The following RPTOR variants were observed in gnomAD, a reference collection of about 807,000 sequenced individuals.
RPTOR encodes regulatory associated protein of MTOR complex 1.
A neutral mutation model predicts 169.9 loss-of-function variants in RPTOR; 21 were observed. The observed-to-expected ratio is 0.12, with a 90% CI of 0.09 to 0.18. The LOEUF (loss-of-function observed/expected upper bound fraction) is 0.18. Ranked by LOEUF, RPTOR falls within the 10% of genes least tolerant of loss-of-function variation. The pLI, the probability that RPTOR is intolerant of heterozygous loss-of-function variation, is 1.00. For missense variants in RPTOR, 1,133 were observed against 1,855.9 expected (o/e 0.61, Z 7.16); for synonymous variants, 732 against 753.2 (o/e 0.97, Z 0.46).
intron 1 of RPTOR, among the ~76,000 whole-genome samples, chr17:80,571,611 C>T (rs1238442587): frequency 1.3e-5 from 2 of 151,152 alleles, no homozygotes; most frequent in African/African-American, 4.9e-5. Context: ...GCCTCGACCT[C>T]CTGGGCTCAA....
chr17:80,722,839 C>T (rs953928409), intron 4 of RPTOR, among the ~76,000 whole-genome samples: 5 of 151,196 alleles, frequency 3.3e-5, no homozygotes, highest in Non-Finnish European at 7.3e-5. Context: ...CTCCTTGGTG[C>T]CAGCAGCCTT....
rs2065762787 is a variant in RPTOR, at chr17:80,665,429, T to G, written c.348+21619T>G. On this transcript the variant is annotated intron_variant, in intron 3 of 33. Transcript: ENST00000306801. ...TTTCCTTTCCTTTCCTTTCCTTTCC[T>G]TTCCTTTCCTTTCCTTTCCTTTCCT... Among the ~76,000 whole-genome samples, 3 of 14,534 alleles carry G rather than the reference T, an allele frequency of 2.1e-4. No individual in the cohort carries two copies. The African/African-American group carries it at 2.3e-3, about 11-fold the overall frequency. 9.5% of individuals were successfully genotyped at this position (14,534 alleles called of 152,430 possible).
chr17:80,658,429 C>G (rs1567842746), intron 3 of RPTOR, among the ~76,000 whole-genome samples: 1 of 152,242 alleles, frequency 6.6e-6, no homozygotes, highest in East Asian at 1.9e-4. Flanking sequence ...CCTTCATCTC[C>G]TTTCTGTTAA....
At chr17:80,828,344 A>G (rs2067467552) in intron 9 of RPTOR, among the ~76,000 whole-genome samples, 3 of 152,130 alleles carry the variant, frequency 2.0e-5, no homozygotes, top group Admixed American at 1.3e-4. Flanking sequence ...CATTCCTTGC[A>G]TTTTGCAGTC....
intron 3 of RPTOR, among the ~76,000 whole-genome samples, chr17:80,698,272 A>C (rs1192331571): frequency 6.6e-6 from 1 of 152,210 alleles, no homozygotes; most frequent in East Asian, 1.9e-4. Context: ...CGCACCAGGC[A>C]CTGGGCCCCA....
chr17:80,937,982 A>G (rs1449476545), intron 24 of RPTOR, among the ~76,000 whole-genome samples: 1 of 152,216 alleles, frequency 6.6e-6, no homozygotes, highest in African/African-American at 2.4e-5. Context: ...CCGTTCAGAA[A>G]GTCTCTTCCC....
At chr17:80,800,612 C>A (rs868388566) in intron 7 of RPTOR, among the ~76,000 whole-genome samples, 2 of 152,182 alleles carry the variant, frequency 1.3e-5, no homozygotes, top group Non-Finnish European at 2.9e-5. Context: ...AACCTAGCAG[C>A]CTGATGAATA....
chr17:80,587,795 G>A (rs1344519678), intron 1 of RPTOR, among the ~76,000 whole-genome samples: 1 of 150,620 alleles, frequency 6.6e-6, no homozygotes, highest in Non-Finnish European at 1.5e-5. Flanking sequence ...TTGGTGGTGA[G>A]ACCATTTGCA....
At chr17:80,833,151 G>A (rs530112387) in intron 9 of RPTOR, among the ~76,000 whole-genome samples, 39 of 152,316 alleles carry the variant, frequency 2.6e-4, no homozygotes, top group Non-Finnish European at 4.7e-4. Flanking sequence ...GAGGCTGTGC[G>A]GACTTGGACT....
chr17:80,785,321 T>C (rs2066980749), intron 6 of RPTOR, among the ~76,000 whole-genome samples: 1 of 151,746 alleles, frequency 6.6e-6, no homozygotes, highest in Admixed American at 6.5e-5. Context: ...AGATAAAATA[T>C]AGTGATGAAT....
intron 2 of RPTOR, among the ~76,000 whole-genome samples, chr17:80,640,643 C>G (rs778672850): frequency 2.2e-4 from 34 of 152,174 alleles, no homozygotes; most frequent in Non-Finnish European, 4.6e-4. Context: ...CAGGCTGTCT[C>G]TACTAACGAG....
At chr17:80,624,879 C>A (rs1404691840) in intron 1 of RPTOR, among the ~76,000 whole-genome samples, 2 of 152,156 alleles carry the variant, frequency 1.3e-5, no homozygotes, top group Admixed American at 6.5e-5. Context: ...TGAGGAGCAT[C>A]CATGGGCCGG....
At chr17:80,769,435 T>A (rs2066819872) in intron 6 of RPTOR, among the ~76,000 whole-genome samples, 1 of 152,214 alleles carries the variant, frequency 6.6e-6, no homozygotes, top group South Asian at 2.1e-4. Flanking sequence ...CGAGTGCTGC[T>A]TACTTGCAGG....
intron 3 of RPTOR, among the ~76,000 whole-genome samples, chr17:80,681,514 G>A (rs1428134640): frequency 6.6e-6 from 1 of 152,168 alleles, no homozygotes; most frequent in Admixed American, 6.5e-5. Context: ...GGGAAGGCCG[G>A]TGGTGCGGTA....
At chr17:80,780,614 T>G (rs1387717568) in intron 6 of RPTOR, among the ~76,000 whole-genome samples, 1 of 152,130 alleles carries the variant, frequency 6.6e-6, no homozygotes, top group Non-Finnish European at 1.5e-5. Flanking sequence ...CTGTGATACG[T>G]ATACTTTTCA....
intron 1 of RPTOR, among the ~76,000 whole-genome samples, chr17:80,579,243 G>T (rs777803074): frequency 6.6e-6 from 1 of 152,098 alleles, no homozygotes; most frequent in Non-Finnish European, 1.5e-5. Flanking sequence ...GCCCAGGCTG[G>T]AGTGCAATGG....
At chr17:80,709,248 G>A (rs768228859) in intron 4 of RPTOR, 151 of 298,534 alleles carry the variant, frequency 5.1e-4, no homozygotes, top group Non-Finnish European at 6.8e-4. Context: ...AAGGAAGTAG[G>A]ATTTACAGAA....
intron 5 of RPTOR, among the ~76,000 whole-genome samples, chr17:80,741,233 G>T (rs1012249169): frequency 6.6e-6 from 1 of 152,182 alleles, no homozygotes; most frequent in African/African-American, 2.4e-5. Context: ...ACCCCTGCTG[G>T]CTTGGCTAAT....
intron 2 of RPTOR, among the ~76,000 whole-genome samples, chr17:80,629,552 T>C (rs1359267941): frequency 3.3e-5 from 5 of 150,128 alleles, no homozygotes; most frequent in Non-Finnish European, 4.4e-5. Context: ...TGTATTGTGT[T>C]GTTGGACATT....
Sources: allele counts gnomAD v4.1 joint callset (sites outside exome capture counted in the v4.1 genomes callset), GRCh38; gene constraint gnomAD v4.1.1; transcripts MANE v1.5; gene names NCBI Gene and HGNC (gene_info 2026-07-23, HGNC 2026-07-21).